The following SLC4A10 variants were observed in gnomAD, a reference collection of about 807,000 sequenced individuals.
SLC4A10 encodes sodium-driven chloride bicarbonate exchanger.
In SLC4A10, 42 loss-of-function variants were observed where a neutral mutation model predicts 137.7. The ratio of observed to expected loss-of-function variants is 0.30; its 90% CI spans 0.24 to 0.39. The LOEUF is 0.39. SLC4A10 is among the 10% of genes least tolerant of loss of function. The pLI is 1.00. For synonymous variants in SLC4A10, 474 were observed against 464.1 expected, an observed-to-expected ratio of 1.02 and a Z score of -0.27; for missense variants, 925 against 1,355.0, an observed-to-expected ratio of 0.68 and a Z score of 4.98.
chr2:161,965,341 A>C (rs1697398396), intron 23 of SLC4A10, among the ~76,000 whole-genome samples, 168 bp downstream of exon 23: 1 of 152,222 alleles, frequency 6.6e-6, no homozygotes, highest in African/African-American at 2.4e-5. Context: ...AATCATAAAG[A>C]TTTGAACAGA....
At chr2:161,828,956 ATTCTAT>A (rs1486003503) in intron 3 of SLC4A10, among the ~76,000 whole-genome samples, 8 of 150,846 alleles carry the variant, frequency 5.3e-5, no homozygotes, top group African/African-American at 1.7e-4. Flanking sequence ...TATTAGAATT[ATTCTAT>A]TTCTATATTA....
At chr2:161,729,638 T>C (rs1032404557) in intron 1 of SLC4A10, among the ~76,000 whole-genome samples, 2 of 152,118 alleles carry the variant, frequency 1.3e-5, no homozygotes, top group Non-Finnish European at 2.9e-5. Flanking sequence ...ACAGAGGAAG[T>C]ACACCTCTCT....
chr2:161,644,608 T>G (rs980513826), intron 1 of SLC4A10, among the ~76,000 whole-genome samples: 1 of 152,216 alleles, frequency 6.6e-6, no homozygotes, highest in Non-Finnish European at 1.5e-5. Context: ...TAACTGTAAA[T>G]ATTTGATTAT....
chr2:161,816,292 C>T (rs892855218), intron 3 of SLC4A10, among the ~76,000 whole-genome samples: 1 of 152,072 alleles, frequency 6.6e-6, no homozygotes, highest in African/African-American at 2.4e-5. Flanking sequence ...CTTTGGAATT[C>T]AACTTCCGAA....
rs1700515200 is a variant in SLC4A10 at position 161,983,664 on chromosome 2, A to G, written c.*512A>G. 1 of 154,248 alleles carries G rather than the reference A, an allele frequency of 6.5e-6. No homozygotes were observed. The highest frequency in any genetic ancestry group is 2.1e-4 in the South Asian group (1 of 4,854). The allele number at this position is 154,248 out of a possible 1,614,324, so 9.6% of individuals were successfully genotyped here. ...TAGTTTTTATAGCTTAGCATTAGTG[A>G]CTTATTTCAAAAGACCCAAATCAAA... is the stretch of plus-strand genomic sequence containing the variant. On this transcript the variant is annotated 3_prime_UTR_variant, in exon 27 of 27. Coordinates refer to ENST00000446997, the MANE Select transcript of SLC4A10 (RefSeq NM_001178015.2).
chr2:161,932,716 A>G (rs1215172563), intron 15 of SLC4A10, among the ~76,000 whole-genome samples: 1 of 152,158 alleles, frequency 6.6e-6, no homozygotes, highest in Non-Finnish European at 1.5e-5. Flanking sequence ...GGAAAAATGT[A>G]AAGTATAGGA....
intron 2 of SLC4A10, among the ~76,000 whole-genome samples, chr2:161,784,488 A>G (rs1221016403): frequency 6.6e-6 from 1 of 152,054 alleles, no homozygotes; most frequent in East Asian, 1.9e-4. Context: ...AGAATAGATC[A>G]CATATTAAGC....
intron 3 of SLC4A10, among the ~76,000 whole-genome samples, chr2:161,817,649 T>C (rs1254530865): frequency 6.6e-6 from 1 of 152,188 alleles, no homozygotes; most frequent in African/African-American, 2.4e-5. Flanking sequence ...CTTGAATTAA[T>C]TTTTGTATAT....
intron 1 of SLC4A10, among the ~76,000 whole-genome samples, chr2:161,647,753 C>G (rs995050344): frequency 6.6e-6 from 1 of 152,104 alleles, no homozygotes; most frequent in African/African-American, 2.4e-5. Context: ...CTTCAGTTTC[C>G]TTAACACTTA....
chr2:161,875,373 T>G lies in SLC4A10; in HGVS notation c.948+1368T>G, dbSNP rs148179211. On this transcript the variant is annotated intron_variant, in intron 8 of 26. Coordinates refer to ENST00000446997, the MANE Select transcript of SLC4A10 (RefSeq NM_001178015.2). Reference sequence around the variant, plus strand: ...ATTCCAAAACCCCAGAATCTTAATATGCAGATTCCAAACATTTTGAGGTGT... The same window carrying G: ...ATTCCAAAACCCCAGAATCTTAATAGGCAGATTCCAAACATTTTGAGGTGT... 4.8e-3 allele frequency among the ~76,000 whole-genome samples: 736 copies of G among 152,284 alleles called. 5 individuals are homozygous for G. Among genetic ancestry groups the G allele is most frequent in the African/African-American group, 0.016 (670 of 41,566 alleles).
intron 3 of SLC4A10, among the ~76,000 whole-genome samples, chr2:161,820,496 G>A (rs2057522589): frequency 6.6e-6 from 1 of 151,954 alleles, no homozygotes; most frequent in Admixed American, 6.6e-5. Flanking sequence ...AAGAATCTCT[G>A]GCCTTTCTTT....
At chr2:161,782,127 A>G (rs1202457934) in intron 2 of SLC4A10, among the ~76,000 whole-genome samples, 1 of 152,048 alleles carries the variant, frequency 6.6e-6, no homozygotes, top group Non-Finnish European at 1.5e-5. Flanking sequence ...AGAGCAAGCA[A>G]ACAAAATCCC....
intron 1 of SLC4A10, among the ~76,000 whole-genome samples, chr2:161,652,126 C>T (rs1054754952): frequency 6.6e-6 from 1 of 152,150 alleles, no homozygotes; most frequent in East Asian, 1.9e-4. Flanking sequence ...TAAGTCCAGC[C>T]CATACTCAGG....
Position 161,905,839 on chromosome 2 carries a change from C to T in SLC4A10, c.1949C>T (p.Ala650Val), listed in dbSNP as rs749267898. 1.2e-6 allele frequency: 2 copies of T among 1,613,828 alleles called. No individual in the cohort carries two copies. The highest frequency in any genetic ancestry group is 2.2e-5 in the East Asian group (1 of 44,864). ...ALEKLFELSE[A>V]YPINMHNDLE... ...GAGAAGTTGTTTGAACTCAGTGAAGCATATCCAATCAACATGCATAATGAT... is the reference window on the plus strand; with the variant it reads ...GAGAAGTTGTTTGAACTCAGTGAAGTATATCCAATCAACATGCATAATGAT... Residue 650 changes from alanine (A) to valine (V), a missense_variant, in exon 15 of 27, where the codon GCA becomes GTA. Coordinates refer to ENST00000446997, the MANE Select transcript of SLC4A10 (RefSeq NM_001178015.2).
At chr2:161,896,801 C>T (rs185981000) in intron 11 of SLC4A10, among the ~76,000 whole-genome samples, 1 of 152,108 alleles carries the variant, frequency 6.6e-6, no homozygotes, top group Non-Finnish European at 1.5e-5. Context: ...TACTGAGAAA[C>T]TTGGCAGTTT....
chr2:161,967,360 A>G (rs1412075111), intron 23 of SLC4A10, among the ~76,000 whole-genome samples: 3 of 152,210 alleles, frequency 2.0e-5, no homozygotes. Context: ...GCCACCCTCG[A>G]CCTTGAACTG....
intron 11 of SLC4A10, among the ~76,000 whole-genome samples, chr2:161,895,190 T>A (rs941388842): frequency 7.2e-5 from 11 of 151,974 alleles, no homozygotes; most frequent in Non-Finnish European, 1.5e-4. Flanking sequence ...TGCGATAGTT[T>A]ACTGAGAATG....
intron 1 of SLC4A10, among the ~76,000 whole-genome samples, chr2:161,642,047 A>C (rs1054563797): frequency 6.6e-6 from 1 of 151,956 alleles, no homozygotes; most frequent in Non-Finnish European, 1.5e-5. Context: ...AATCTTCACT[A>C]TCTCTCCTAG....
At chr2:161,866,238 T>C (rs910251499) in intron 6 of SLC4A10, among the ~76,000 whole-genome samples, 4 of 152,030 alleles carry the variant, frequency 2.6e-5, no homozygotes, top group Non-Finnish European at 5.9e-5. Flanking sequence ...ATTCAGACAC[T>C]GTATTTCAAA....
Sources: gnomAD v4.1 joint callset for allele counts (sites outside exome capture counted in the v4.1 genomes callset) on GRCh38, gnomAD v4.1.1 for gene constraint, MANE v1.5 for transcripts, NCBI Gene and HGNC (gene_info 2026-07-23, HGNC 2026-07-21) for gene names.